The following DOCK5 variants were observed in gnomAD, a reference collection of about 807,000 sequenced individuals.
The protein encoded by DOCK5 is dedicator of cytokinesis 5, also known as dedicator of cytokinesis protein 5.
DOCK5 carries 142 observed loss-of-function variants against 251.8 expected under a neutral mutation model. The observed-to-expected ratio is 0.56, with a 90% CI of 0.49 to 0.65. The LOEUF (loss-of-function observed/expected upper bound fraction) is 0.65. DOCK5 is among the 30% of genes least tolerant of loss of function. DOCK5 has a pLI of 0.00. For missense variants in DOCK5, 2,111 were observed against 2,312.3 expected, an observed-to-expected ratio of 0.91 and a Z score of 1.79; for synonymous variants, 842 against 835.5, an observed-to-expected ratio of 1.01 and a Z score of -0.13.
Position 25,323,904 on chromosome 8 carries a change from G to A in DOCK5, c.1672G>A (p.Asp558Asn), listed in dbSNP as rs1415401503. Reference protein sequence around the residue: ...GVAFVKLMNPDGTTLQDGRHD... With the variant: ...GVAFVKLMNPNGTTLQDGRHD... ...GGCCTTCGTGAAGCTGATGAACCCG[G>A]ATGGCACCACTCTGCAGGATGGGAG... The change falls in exon 17 of 52, where the codon GAT becomes AAT. Residue 558 changes from aspartate (D) to asparagine (N), a missense_variant. Coordinates refer to ENST00000276440, the MANE Select transcript of DOCK5 (RefSeq NM_024940.8). 5 of 1,613,532 alleles carry A rather than the reference G, an allele frequency of 3.1e-6. No homozygotes were observed. The East Asian group carries it at 1.1e-4, about 36-fold the overall frequency.
intron 6 of DOCK5, among the ~76,000 whole-genome samples, chr8:25,292,852 A>G (rs1030161260): frequency 5.9e-5 from 9 of 152,208 alleles, no homozygotes; most frequent in African/African-American, 1.9e-4. Flanking sequence ...AATCAATACC[A>G]GACTCATTCT....
At chr8:25,274,297 G>C (rs570652486) in intron 3 of DOCK5, among the ~76,000 whole-genome samples, 4 of 152,094 alleles carry the variant, frequency 2.6e-5, no homozygotes, top group Admixed American at 6.6e-5. Flanking sequence ...TGTTCATGGA[G>C]TTCACACCAA....
At chr8:25,309,650 A>C (rs575738836) in intron 12 of DOCK5, among the ~76,000 whole-genome samples, 3 of 152,334 alleles carry the variant, frequency 2.0e-5, no homozygotes, top group African/African-American at 7.2e-5. Context: ...TGTAGTTTTT[A>C]GTATCTCCAT....
At position 25,377,540 on chromosome 8, in the gene DOCK5, G is replaced by A. The variant is rs982108338; in HGVS notation, c.3936+116G>A. The A allele has an allele frequency of 4.6e-6, 6 of 1,308,436 alleles. No homozygotes were observed. In the African/African-American group the frequency reaches 7.5e-5, roughly 16 times the overall value. 81.1% of individuals were successfully genotyped at this position (1,308,436 alleles called of 1,614,324 possible). Reference sequence around the variant, plus strand: ...ACTGACTACCCAGGTTCAGGGCACTGTCTCCAACGAGACTGCCCCCGCTTC... The same window carrying A: ...ACTGACTACCCAGGTTCAGGGCACTATCTCCAACGAGACTGCCCCCGCTTC... On this transcript the variant is annotated intron_variant, in intron 38 of 51. Coordinates refer to ENST00000276440, the MANE Select transcript of DOCK5 (RefSeq NM_024940.8).
intron 3 of DOCK5, among the ~76,000 whole-genome samples, chr8:25,272,886 C>T (rs967517157): frequency 2.0e-5 from 3 of 152,128 alleles, no homozygotes; most frequent in Non-Finnish European, 2.9e-5. Context: ...CCCGCAAGCC[C>T]CTCAGAACCC....
chr8:25,322,739 G>A (rs1805459399), intron 16 of DOCK5, among the ~76,000 whole-genome samples: 1 of 152,220 alleles, frequency 6.6e-6, no homozygotes, highest in African/African-American at 2.4e-5. Flanking sequence ...GCACTTGCCT[G>A]TGGTCACAAG....
In DOCK5 at chr8:25,288,182, G is replaced by A. The variant is rs544672733; in HGVS notation, c.322-3842G>A. Reference sequence around the variant, plus strand: ...ATTACAGGCGTGAGCCACTGCGCCCGGCCAGCCCGTGCTCTTTTGGTGAGT... The same window carrying A: ...ATTACAGGCGTGAGCCACTGCGCCCAGCCAGCCCGTGCTCTTTTGGTGAGT... On this transcript the variant is annotated intron_variant, in intron 5 of 51. Coordinates refer to ENST00000276440, the MANE Select transcript of DOCK5 (RefSeq NM_024940.8). 8.5e-5 allele frequency among the ~76,000 whole-genome samples: 13 copies of A among 152,184 alleles called. No homozygotes were observed. The South Asian group carries it at 1.2e-3, about 15-fold the overall frequency.
At chr8:25,208,261 G>A (rs1413494753) in intron 1 of DOCK5, among the ~76,000 whole-genome samples, 1 of 152,216 alleles carries the variant, frequency 6.6e-6, no homozygotes. Flanking sequence ...GACAACCAAG[G>A]ATTTAGAATA....
At chr8:25,221,301 C>T (rs758535396) in intron 1 of DOCK5, among the ~76,000 whole-genome samples, 10 of 152,096 alleles carry the variant, frequency 6.6e-5, no homozygotes, top group Non-Finnish European at 1.0e-4. Flanking sequence ...TACATTCTGC[C>T]AAATCTTTTT....
intron 47 of DOCK5, among the ~76,000 whole-genome samples, chr8:25,403,280 T>C (rs540929921): frequency 6.6e-6 from 1 of 152,338 alleles, no homozygotes; most frequent in East Asian, 1.9e-4. Context: ...ATCTTAATTT[T>C]TTCCTGTCTC....
intron 48 of DOCK5, among the ~76,000 whole-genome samples, chr8:25,404,361 GTAT>G (rs775817728): frequency 6.6e-6 from 1 of 152,136 alleles, no homozygotes; most frequent in Non-Finnish European, 1.5e-5. Flanking sequence ...CTCATTGTAT[GTAT>G]GTGGCATGAT....
intron 37 of DOCK5, 87 bp from the exon 38 acceptor site, chr8:25,377,218 G>A: frequency 3.5e-6 from 5 of 1,433,752 alleles, no homozygotes; most frequent in Non-Finnish European, 4.6e-6. Context: ...CAAAATCAAT[G>A]AGTCAAATAT....
At chr8:25,267,416 T>C (rs572276301) in intron 2 of DOCK5, among the ~76,000 whole-genome samples, 1 of 152,318 alleles carries the variant, frequency 6.6e-6, no homozygotes, top group South Asian at 2.1e-4. Context: ...TATTATTGAA[T>C]ATATGCCCAA....
intron 1 of DOCK5, among the ~76,000 whole-genome samples, chr8:25,198,100 T>C (rs976402724): frequency 9.9e-5 from 15 of 152,148 alleles, no homozygotes; most frequent in African/African-American, 2.9e-4. Context: ...GGAGACTAAT[T>C]CCCTCTTGAA....
At chr8:25,254,730 G>T (rs1373458737) in intron 2 of DOCK5, among the ~76,000 whole-genome samples, 1 of 121,710 alleles carries the variant, frequency 8.2e-6, no homozygotes, top group Non-Finnish European at 1.6e-5. Context: ...AGCCGAGATT[G>T]TGCCACTGCA....
intron 2 of DOCK5, among the ~76,000 whole-genome samples, chr8:25,246,325 G>A (rs1412559338): frequency 1.3e-5 from 2 of 152,144 alleles, no homozygotes; most frequent in African/African-American, 4.8e-5. Context: ...CCCAGGTGGA[G>A]TGCAGTGGCT....
At chr8:25,256,632 C>T (rs543603735) in intron 2 of DOCK5, among the ~76,000 whole-genome samples, 1 of 139,946 alleles carries the variant, frequency 7.1e-6, no homozygotes, top group East Asian at 2.0e-4. Context: ...GAGCGAATCT[C>T]CATCTCAAAA....
intron 19 of DOCK5, 73 bp downstream of exon 19, chr8:25,332,421 T>A (rs1238866527): frequency 7.8e-7 from 1 of 1,284,366 alleles, no homozygotes; most frequent in African/African-American, 1.5e-5. Context: ...ACCTAATTGG[T>A]TCACCATTTA....
At position 25,393,949 on chromosome 8, in the gene DOCK5, A is replaced by G. The variant is rs143798467; in HGVS notation, c.4527+1067A>G. Among the ~76,000 whole-genome samples the G allele has an allele frequency of 8.7e-3, 1,331 of 152,348 alleles. 21 individuals are homozygous for G. The highest frequency in any genetic ancestry group is 0.03 in the African/African-American group (1,243 of 41,584). On this transcript the variant is annotated intron_variant, in intron 44 of 51. Coordinates refer to ENST00000276440, the MANE Select transcript of DOCK5 (RefSeq NM_024940.8). ...GTTTGATGTGTTATAAGTCATGGCT[A>G]GGTACAGTGGCTCATGCCTGTAATC...
Sources: allele counts gnomAD v4.1 joint callset (sites outside exome capture counted in the v4.1 genomes callset), GRCh38; gene constraint gnomAD v4.1.1; transcripts MANE v1.5; gene names NCBI Gene and HGNC (gene_info 2026-07-23, HGNC 2026-07-21).